FSHR: variants seen among roughly 807,000 people sequenced by gnomAD.
FSHR encodes the protein follicle-stimulating hormone receptor.
In FSHR, 46 loss-of-function variants were observed where a neutral mutation model predicts 52.1. The ratio of observed to expected loss-of-function variants is 0.88; its 90% confidence interval spans 0.70 to 1.13. FSHR has a LOEUF of 1.13. Ranked by LOEUF, FSHR falls within the 50% of genes most tolerant of loss-of-function variation. The pLI is 0.00. For missense variants in FSHR, 964 were observed against 834.6 expected (o/e 1.16, Z -1.91); for synonymous variants, 399 against 309.6 (o/e 1.29, Z -3.03).
At chr2:49,143,636 G>A (rs1672770872) in intron 1 of FSHR, among the ~76,000 whole-genome samples, 1 of 152,086 alleles carries the variant, frequency 6.6e-6, no homozygotes. Context: ...AATGAATAAA[G>A]CAACAAGGAC....
chr2:48,975,097 A>G (rs1339835934), intron 8 of FSHR, among the ~76,000 whole-genome samples: 1 of 152,172 alleles, frequency 6.6e-6, no homozygotes, highest in Admixed American at 6.5e-5. Flanking sequence ...GGATTAAAGA[A>G]TATTCAGATA....
chr2:48,996,147 C>A (rs563506215), intron 4 of FSHR, among the ~76,000 whole-genome samples: 1 of 152,202 alleles, frequency 6.6e-6, no homozygotes, highest in East Asian at 1.9e-4. Context: ...GGATTTGTTT[C>A]CTTTTAAGCC....
At chr2:48,982,132 C>A (rs1013662570) in intron 8 of FSHR, among the ~76,000 whole-genome samples, 4 of 152,100 alleles carry the variant, frequency 2.6e-5, no homozygotes, top group African/African-American at 9.7e-5. Flanking sequence ...ATTGTCCCCC[C>A]ACCAAAGAAG....
chr2:49,069,991 C>A (rs2103622775), intron 1 of FSHR, among the ~76,000 whole-genome samples: 1 of 152,236 alleles, frequency 6.6e-6, no homozygotes, highest in Admixed American at 6.5e-5. Context: ...CAGGTCTTTT[C>A]TTTCACCTTG....
At chr2:49,049,843 ATATATAT>A (rs1668789726) in intron 2 of FSHR, among the ~76,000 whole-genome samples, 2 of 146,112 alleles carry the variant, frequency 1.4e-5, no homozygotes, top group Admixed American at 1.4e-4. Context: ...ATATATATAT[ATATATAT>A]AATAAAAACC....
chr2:49,050,661 G>A (rs1425867586), intron 2 of FSHR, among the ~76,000 whole-genome samples: 1 of 152,126 alleles, frequency 6.6e-6, no homozygotes, highest in Admixed American at 6.5e-5. Flanking sequence ...GTGAATGTCA[G>A]TATCCCTGTC....
intron 2 of FSHR, among the ~76,000 whole-genome samples, chr2:49,063,600 T>C (rs1205847460): frequency 6.6e-6 from 1 of 152,018 alleles, no homozygotes; most frequent in Non-Finnish European, 1.5e-5. Context: ...TTCTCACTCA[T>C]ATGTGGAAGC....
At chr2:49,030,093 C>T (rs1005891818) in intron 2 of FSHR, among the ~76,000 whole-genome samples, 15 of 152,174 alleles carry the variant, frequency 9.9e-5, no homozygotes, top group African/African-American at 3.6e-4. Flanking sequence ...ATTTACCACT[C>T]GAAGCCCTGG....
At chr2:49,147,045 C>T (rs577049385) in intron 1 of FSHR, among the ~76,000 whole-genome samples, 9 of 152,098 alleles carry the variant, frequency 5.9e-5, no homozygotes, top group South Asian at 2.1e-4. Context: ...GTGCATAGCA[C>T]GTGTTTGGCT....
chr2:49,041,301 G>T (rs1417878227), intron 2 of FSHR, among the ~76,000 whole-genome samples: 1 of 152,144 alleles, frequency 6.6e-6, no homozygotes, highest in Admixed American at 6.5e-5. Context: ...AACTCACTCA[G>T]TGTAAAATGT....
intron 1 of FSHR, among the ~76,000 whole-genome samples, chr2:49,148,703 T>G (rs774129765): frequency 2.0e-5 from 3 of 151,970 alleles, no homozygotes; most frequent in Non-Finnish European, 4.4e-5. Context: ...GAGGCAACCT[T>G]TGAGCAAGAT....
intron 8 of FSHR, among the ~76,000 whole-genome samples, chr2:48,980,291 A>G (rs1435460710): frequency 6.6e-6 from 1 of 152,162 alleles, no homozygotes; most frequent in Non-Finnish European, 1.5e-5. Context: ...TCCTAATTCC[A>G]TGGATTTTCT....
intron 2 of FSHR, among the ~76,000 whole-genome samples, chr2:49,067,664 T>A (rs1423402520): frequency 6.6e-6 from 1 of 152,060 alleles, no homozygotes; most frequent in Non-Finnish European, 1.5e-5. Flanking sequence ...AAACTCTAAA[T>A]TAGACTAGCG....
At chr2:49,078,366 C>T (rs1670033145) in intron 1 of FSHR, among the ~76,000 whole-genome samples, 1 of 152,132 alleles carries the variant, frequency 6.6e-6, no homozygotes, top group South Asian at 2.1e-4. Context: ...AATTACCTCC[C>T]ACCAGGTCCC....
In FSHR at chr2:49,007,638, A is replaced by G. The variant is rs189158932; in HGVS notation, c.374+9851T>C. ...GTCTTTTGAGAAACATGAATGATGTATTTCCATGATAGAATGCTGAGTAGT... is the reference window on the plus strand; with the variant it reads ...GTCTTTTGAGAAACATGAATGATGTGTTTCCATGATAGAATGCTGAGTAGT... On this transcript the variant is annotated intron_variant, in intron 4 of 9. Coordinates refer to ENST00000406846, the MANE Select transcript of FSHR (RefSeq NM_000145.4). 1.3e-4 allele frequency among the ~76,000 whole-genome samples: 20 copies of G among 152,254 alleles called. No homozygotes were observed. In the East Asian group the frequency reaches 3.9e-3, roughly 29 times the overall value.
At chr2:49,047,710 A>G (rs891307335) in intron 2 of FSHR, among the ~76,000 whole-genome samples, 6 of 152,206 alleles carry the variant, frequency 3.9e-5, no homozygotes, top group South Asian at 4.1e-4. Flanking sequence ...TTTGGTGTCA[A>G]TAAGTTCTTC....
chr2:49,131,411 A>G (rs889975241), intron 1 of FSHR, among the ~76,000 whole-genome samples: 2 of 152,218 alleles, frequency 1.3e-5, no homozygotes, highest in African/African-American at 4.8e-5. Context: ...GATCTGAGCT[A>G]GTCCATACTG....
At chr2:48,987,772 C>A (rs62161854) in intron 6 of FSHR, among the ~76,000 whole-genome samples, 1 of 151,388 alleles carries the variant, frequency 6.6e-6, no homozygotes, top group Non-Finnish European at 1.5e-5. Flanking sequence ...TCATTCTGCT[C>A]GCGTTTTAGT....
intron 1 of FSHR, among the ~76,000 whole-genome samples, chr2:49,074,267 A>G (rs1308799020): frequency 1.3e-5 from 2 of 152,132 alleles, no homozygotes; most frequent in South Asian, 4.1e-4. Context: ...GAATGGAAGA[A>G]AATATTTGCC....
Sources: allele counts gnomAD v4.1 joint callset (sites outside exome capture counted in the v4.1 genomes callset), GRCh38; gene constraint gnomAD v4.1.1; transcripts MANE v1.5; gene names NCBI Gene and HGNC (gene_info 2026-07-23, HGNC 2026-07-21).